OVOL2: variants seen among roughly 807,000 people sequenced by gnomAD.
OVOL2 encodes the protein ovo like zinc finger 2.
Under a neutral mutation model 18.1 loss-of-function variants are expected in OVOL2, and 13 were observed. The ratio of observed to expected loss-of-function variants is 0.72; its 90% CI spans 0.47 to 1.14. The LOEUF (loss-of-function observed/expected upper bound fraction) is 1.14. OVOL2 is among the 50% of genes most tolerant of loss of function. The pLI is 0.00. For synonymous variants in OVOL2, 166 were observed against 162.7 expected (o/e 1.02, Z -0.16); for missense variants, 335 against 383.0 (o/e 0.87, Z 1.05).
At chr20:18,028,555 G>A (rs1020019063) in intron 3 of OVOL2, among the ~76,000 whole-genome samples, 3 of 152,094 alleles carry the variant, frequency 2.0e-5, no homozygotes, top group African/African-American at 7.2e-5. Context: ...CATTTTGGGA[G>A]GCCGGGCTGG....
chr20:18,054,201 A>T (rs1470724420), intron 2 of OVOL2, among the ~76,000 whole-genome samples: 1 of 152,206 alleles, frequency 6.6e-6, no homozygotes, highest in Non-Finnish European at 1.5e-5. Context: ...CATCTTACAG[A>T]TAAGGAAACC....
At chr20:18,048,105 G>A (rs1399476891) in intron 2 of OVOL2, among the ~76,000 whole-genome samples, 1 of 151,538 alleles carries the variant, frequency 6.6e-6, no homozygotes, top group Non-Finnish European at 1.5e-5. Context: ...TGGCCAACAT[G>A]GTGAAACTCC....
chr20:18,033,503 T>C (rs2036588627), intron 3 of OVOL2, among the ~76,000 whole-genome samples: 1 of 152,264 alleles, frequency 6.6e-6, no homozygotes, highest in Non-Finnish European at 1.5e-5. Flanking sequence ...CTCACCTGTT[T>C]ATGGCCCTTT....
Position 18,057,046 on chromosome 20 carries a change from G to A in OVOL2, c.101-169C>T, listed in dbSNP as rs867306039. Among the ~76,000 whole-genome samples the A allele has an allele frequency of 6.6e-6, 1 of 152,262 alleles. No individual in the cohort carries two copies. Among genetic ancestry groups the A allele is most frequent in the South Asian group, 2.1e-4 (1 of 4,826 alleles). ...AGTAAGCCCCGAATCGGCCCACAGAGCTAGCTTGGGGTGCTCGGAGCCTCT... is the reference window on the plus strand; with the variant it reads ...AGTAAGCCCCGAATCGGCCCACAGAACTAGCTTGGGGTGCTCGGAGCCTCT... On this transcript the variant is annotated intron_variant, in intron 1 of 3. Coordinates refer to ENST00000278780, the MANE Select transcript of OVOL2 (RefSeq NM_021220.4). The surrounding 1 kb of genome is among the most constrained non-coding windows in gnomAD (Gnocchi z 6.3).
At chr20:18,027,511 G>A (rs1430502146) in intron 3 of OVOL2, among the ~76,000 whole-genome samples, 1 of 137,686 alleles carries the variant, frequency 7.3e-6, no homozygotes, top group Admixed American at 7.4e-5. Flanking sequence ...CTGCGCAACA[G>A]AGCGCGACTC....
chr20:18,035,957 A>G lies in OVOL2; in HGVS notation c.511+5577T>C, dbSNP rs1039323644. ...AATGCTATATTTTGTTTAACTCATT[A>G]TGCCCAAAATACTACCATTTCAATG... is the stretch of plus-strand genomic sequence containing the variant. On this transcript the variant is annotated intron_variant, in intron 3 of 3. Transcript: ENST00000278780. Among the ~76,000 whole-genome samples the G allele has an allele frequency of 2.6e-5, 4 of 152,230 alleles. No homozygotes were observed. In the South Asian group the frequency reaches 8.3e-4, roughly 32 times the overall value.
chr20:18,038,531 T>G (rs2036640047), intron 3 of OVOL2, among the ~76,000 whole-genome samples: 1 of 152,204 alleles, frequency 6.6e-6, no homozygotes, highest in Non-Finnish European at 1.5e-5. Flanking sequence ...TGTCAGTCCC[T>G]AATATTTCCC....
Position 18,057,655 on chromosome 20 carries a change from C to A in OVOL2, c.-21G>T. On this transcript the variant is annotated 5_prime_UTR_variant, in exon 1 of 4. Coordinates refer to ENST00000278780, the MANE Select transcript of OVOL2 (RefSeq NM_021220.4). The surrounding 1 kb of genome is among the most constrained non-coding windows in gnomAD (Gnocchi z 6.3). ...GGCATGGTGGGGTCCCCTCTCCCGA[C>A]TGCGGCCCCCTCCTCCCGGCTGCTC... 6.5e-7 allele frequency: 1 copy of A among 1,550,332 alleles called. No individual in the cohort carries two copies. Among genetic ancestry groups the A allele is most frequent in the South Asian group, 1.2e-5 (1 of 84,352 alleles).
At chr20:18,036,269 G>A (rs923780151) in intron 3 of OVOL2, among the ~76,000 whole-genome samples, 24 of 152,042 alleles carry the variant, frequency 1.6e-4, no homozygotes, top group African/African-American at 5.6e-4. Context: ...CTTCAGCCTC[G>A]GCGACAAGAG....
intron 3 of OVOL2, among the ~76,000 whole-genome samples, chr20:18,035,248 C>T (rs753216685): frequency 1.3e-5 from 2 of 152,134 alleles, no homozygotes; most frequent in Non-Finnish European, 1.5e-5. Context: ...GTCAGGAAGT[C>T]GAGACCAGTC....
intron 2 of OVOL2, among the ~76,000 whole-genome samples, chr20:18,054,783 G>GAAAGA (rs1555796518): frequency 2.3e-4 from 26 of 111,252 alleles, no homozygotes; most frequent in East Asian, 1.9e-3. Context: ...AAAAAAAAAA[G>GAAAGA]AAAGAAAAGA....
rs758528416 is a variant in OVOL2 at position 18,057,665 on chromosome 20, C to T, written c.-31G>A. On this transcript the variant is annotated 5_prime_UTR_variant, in exon 1 of 4. Coordinates refer to ENST00000278780, the MANE Select transcript of OVOL2 (RefSeq NM_021220.4). This position sits in a 1 kb window ranked among gnomAD's most constrained non-coding sequence, Gnocchi z 6.3. The stretch of plus-strand genomic sequence containing the variant: ...GGTCCCCTCTCCCGACTGCGGCCCC[C>T]TCCTCCCGGCTGCTCCCCGCTAGGG... 7 of 1,539,988 alleles carry T rather than the reference C, an allele frequency of 4.5e-6. No homozygotes were observed. In the South Asian group the frequency reaches 8.4e-5, roughly 18 times the overall value.
intron 3 of OVOL2, among the ~76,000 whole-genome samples, chr20:18,033,582 T>A (rs895805110): frequency 1.3e-5 from 2 of 152,230 alleles, no homozygotes; most frequent in Admixed American, 1.3e-4. Context: ...ATTTTACAAA[T>A]GAGCAAAATA....
chr20:18,049,492 G>A (rs1228146465), intron 2 of OVOL2, among the ~76,000 whole-genome samples: 11 of 152,112 alleles, frequency 7.2e-5, no homozygotes, highest in Non-Finnish European at 1.3e-4. Context: ...GACACGGTGC[G>A]ATGCTTGAAT....
At chr20:18,052,397 A>G (rs1364214104) in intron 2 of OVOL2, among the ~76,000 whole-genome samples, 1 of 152,204 alleles carries the variant, frequency 6.6e-6, no homozygotes, top group Non-Finnish European at 1.5e-5. Context: ...GGGTGTGATC[A>G]TGAATTTTGG....
chr20:18,039,607 C>CAAAAAAAAAAAAAAAAAA (rs111619803), intron 3 of OVOL2, among the ~76,000 whole-genome samples: 2 of 87,054 alleles, frequency 2.3e-5, no homozygotes, highest in African/African-American at 8.0e-5. Flanking sequence ...GACGCTGTCT[C>CAAAAAAAAAAAAAAAAAA]AAAAAAAAAA....
chr20:18,044,686 C>G (rs903633237), intron 2 of OVOL2, among the ~76,000 whole-genome samples: 2 of 152,144 alleles, frequency 1.3e-5, no homozygotes, highest in South Asian at 4.1e-4. Flanking sequence ...GCAGGCAAGT[C>G]AACAGCCATT....
intron 3 of OVOL2, among the ~76,000 whole-genome samples, chr20:18,026,269 A>G (rs1013322422): frequency 3.3e-5 from 5 of 152,202 alleles, no homozygotes; most frequent in African/African-American, 1.2e-4. Flanking sequence ...CTTGGACAGT[A>G]CAGTATTTTA....
At position 18,056,765 on chromosome 20, in the gene OVOL2, G is replaced by A. The variant is rs1330827877; in HGVS notation, c.213C>T (p.Ser71=). ...SAGEPGGAES[S]SSPHAPESET... is the part of the protein sequence containing the mutation. ...CGCTCTCGGGGGCGTGCGGGGACGAGCTGCTCTCTGCTCCTCCAGGCTCCC... is the reference window on the plus strand; with the variant it reads ...CGCTCTCGGGGGCGTGCGGGGACGAACTGCTCTCTGCTCCTCCAGGCTCCC... Residue 71 remains serine (S), a synonymous_variant, in exon 2 of 4, where the codon AGC becomes AGT. Transcript: ENST00000278780. This position sits in a 1 kb window ranked among gnomAD's most constrained non-coding sequence, Gnocchi z 4.2. The A allele has an allele frequency of 5.3e-6, 8 of 1,502,944 alleles. No homozygotes were observed. Among genetic ancestry groups the A allele is most frequent in the Non-Finnish European group, 7.1e-6 (8 of 1,133,462 alleles). The allele number at this position is 1,502,944 out of a possible 1,614,324, so 93.1% of individuals were successfully genotyped here.
Sources: allele counts gnomAD v4.1 joint callset (sites outside exome capture counted in the v4.1 genomes callset), GRCh38; gene constraint gnomAD v4.1.1; non-coding constraint Gnocchi (gnomAD v3.1); transcripts MANE v1.5; gene names NCBI Gene and HGNC (gene_info 2026-07-23, HGNC 2026-07-21).